Variants in NSUN2 observed in about 807,000 individuals in gnomAD.
The protein encoded by NSUN2 is NOP2/Sun RNA methyltransferase 2.
NSUN2 carries 63 observed loss-of-function variants against 92.7 expected under a neutral mutation model. That is an observed-to-expected ratio of 0.68 (90% CI 0.56 to 0.84). The LOEUF (loss-of-function observed/expected upper bound fraction) is 0.84, where lower values mean the gene tolerates loss of function less well. NSUN2 is among the 40% of genes least tolerant of loss of function. The pLI, the probability that NSUN2 is intolerant of heterozygous loss-of-function variation, is 0.00. For missense variants in NSUN2, 989 were observed against 964.9 expected, an observed-to-expected ratio of 1.02 and a Z score of -0.33; for synonymous variants, 356 against 348.3, an observed-to-expected ratio of 1.02 and a Z score of -0.25.
At chr5:6,621,976 G>T in intron 6 of NSUN2, 40 bp downstream of exon 6, 1 of 1,516,880 alleles carries the variant, frequency 6.6e-7, no homozygotes, top group Non-Finnish European at 9.2e-7. Context: ...ATCTGCCAAA[G>T]TGGCATTCCT....
chr5:6,628,585 G>T, intron 3 of NSUN2, among the ~76,000 whole-genome samples: 1 of 152,192 alleles, frequency 6.6e-6, no homozygotes. Context: ...TGTACCAGAG[G>T]ATTGGGAAGA....
intron 5 of NSUN2, 86 bp from the exon 6 acceptor site, chr5:6,622,186 T>C (rs1225992067): frequency 5.2e-5 from 55 of 1,058,986 alleles, no homozygotes; most frequent in East Asian, 2.0e-4. Context: ...TTTTTCAATT[T>C]CTAGTCCAAG....
chr5:6,632,526 A>G (rs759781940), intron 2 of NSUN2, 73 bp downstream of exon 2: 28 of 1,547,378 alleles, frequency 1.8e-5, no homozygotes, highest in Non-Finnish European at 2.5e-5. Context: ...ACACTTGTCG[A>G]AGAAAACACC....
intron 9 of NSUN2, among the ~76,000 whole-genome samples, chr5:6,614,066 A>C (rs1444665280): frequency 7.4e-6 from 1 of 134,810 alleles, no homozygotes; most frequent in Non-Finnish European, 1.5e-5. Context: ...ACTGCACTCC[A>C]GCCTGGGCAA....
chr5:6,632,679 C>G lies in NSUN2; in HGVS notation c.174G>C (p.Val58=). ...FEHYYQELKI[V]PEGEWGQFMD... ...TGAACTGGCCCCACTCGCCCTCGGG[C>G]ACGATCTTGAGCTCCTGGTAGTAGT... is the stretch of plus-strand genomic sequence containing the variant. Residue 58 remains valine (V), a synonymous_variant, in exon 2 of 19, where the codon GTG becomes GTC. Transcript: ENST00000264670. 1.2e-6 allele frequency: 2 copies of G among 1,614,204 alleles called. No individual in the cohort carries two copies. The highest frequency in any genetic ancestry group is 1.3e-5 in the African/African-American group (1 of 75,060).
At position 6,620,195 on chromosome 5, in the gene NSUN2, A is replaced by C; in HGVS notation, c.726T>G (p.Asp242Glu). 1.2e-6 allele frequency: 2 copies of C among 1,613,484 alleles called. No individual in the cohort carries two copies. Among genetic ancestry groups the C allele is most frequent in the East Asian group, 4.5e-5 (2 of 44,834 alleles). Residue 242 changes from aspartate to glutamate, a missense_variant, in exon 7 of 19, where the codon GAT becomes GAG. Physicochemically the swap from Asp to Glu is conservative, Grantham distance 45 (BLOSUM62 2). Coordinates refer to ENST00000264670, the MANE Select transcript of NSUN2 (RefSeq NM_017755.6). ...TCTGGAGCCTGGGTATGCTGGAGGC[A>C]TCATGGTTGACCACCATGATGCAGG... is the stretch of plus-strand genomic sequence containing the variant. Reference protein sequence around the residue: ...SSPCIMVVNHDASSIPRLQID... With the variant: ...SSPCIMVVNHEASSIPRLQID...
intron 4 of NSUN2, among the ~76,000 whole-genome samples, chr5:6,624,151 G>T (rs1216944409): frequency 6.6e-6 from 1 of 152,196 alleles, no homozygotes; most frequent in Non-Finnish European, 1.5e-5. Flanking sequence ...TGGCCAGCAT[G>T]AGTCTGTGGT....
At chr5:6,624,027 A>G (rs1434249857) in intron 4 of NSUN2, among the ~76,000 whole-genome samples, 1 of 152,224 alleles carries the variant, frequency 6.6e-6, no homozygotes. Context: ...ACTTCTGGAA[A>G]TGAACAGCCA....
At chr5:6,614,162 G>C (rs1427745147) in intron 9 of NSUN2, among the ~76,000 whole-genome samples, 2 of 134,770 alleles carry the variant, frequency 1.5e-5, no homozygotes, top group Non-Finnish European at 3.1e-5. Context: ...AAGCCAACTA[G>C]AGCCACAAAT....
intron 3 of NSUN2, among the ~76,000 whole-genome samples, chr5:6,626,654 T>C (rs1332126757): frequency 1.3e-5 from 2 of 152,236 alleles, no homozygotes; most frequent in South Asian, 2.1e-4. Flanking sequence ...CCACCCAGGA[T>C]GTGCTTTGAA....
chr5:6,613,196 T>C (rs577182209), intron 9 of NSUN2, among the ~76,000 whole-genome samples: 2 of 152,306 alleles, frequency 1.3e-5, no homozygotes, highest in South Asian at 4.1e-4. Context: ...TTTTTGACAC[T>C]TGCTAACAGG....
chr5:6,623,963 T>C (rs745424467), intron 4 of NSUN2, among the ~76,000 whole-genome samples: 1 of 152,138 alleles, frequency 6.6e-6, no homozygotes, highest in Non-Finnish European at 1.5e-5. Flanking sequence ...CACCTCTACT[T>C]TAATCGCCTT....
chr5:6,614,770 G>C (rs1178603812), intron 9 of NSUN2, among the ~76,000 whole-genome samples: 3 of 152,092 alleles, frequency 2.0e-5, no homozygotes, highest in Non-Finnish European at 4.4e-5. Flanking sequence ...ACAATTTTGC[G>C]GTAATGAGAC....
At chr5:6,610,921 C>G (rs751066260) in intron 11 of NSUN2, 34 bp downstream of exon 11, 4 of 1,612,410 alleles carry the variant, frequency 2.5e-6, no homozygotes, top group Admixed American at 1.7e-5. Flanking sequence ...TTAACCTTCC[C>G]CCCTCCCCAC....
chr5:6,629,209 A>G (rs1737770941), intron 3 of NSUN2, among the ~76,000 whole-genome samples: 1 of 152,232 alleles, frequency 6.6e-6, no homozygotes, highest in Non-Finnish European at 1.5e-5. Flanking sequence ...TCATTCTTCA[A>G]CTACAGACAA....
chr5:6,625,809 C>A, intron 3 of NSUN2, 140 bp from the exon 4 acceptor site: 1 of 645,086 alleles, frequency 1.6e-6, no homozygotes, highest in South Asian at 1.8e-5. Context: ...CCTCTACGGA[C>A]AGTCAGCAAC....
intron 6 of NSUN2, 153 bp downstream of exon 6, chr5:6,621,863 G>C (rs1470213642): frequency 6.5e-6 from 4 of 619,048 alleles, no homozygotes; most frequent in Non-Finnish European, 8.7e-6. Context: ...TGGTAGGCAA[G>C]ATGTCCAGTT....
intron 18 of NSUN2, among the ~76,000 whole-genome samples, chr5:6,602,113 T>G (rs1408436511): frequency 6.6e-6 from 1 of 152,222 alleles, no homozygotes; most frequent in Non-Finnish European, 1.5e-5. Context: ...GAACCAGCCA[T>G]GAGGACAAAA....
chr5:6,599,778 A>T lies in NSUN2; in HGVS notation c.*148T>A, dbSNP rs190274354. The T allele has an allele frequency of 2.7e-5, 19 of 691,204 alleles. No homozygotes were observed. The African/African-American group carries it at 2.8e-4, about 10-fold the overall frequency. 42.8% of individuals were successfully genotyped at this position (691,204 alleles called of 1,614,324 possible). On this transcript the variant is annotated 3_prime_UTR_variant, in exon 19 of 19. Transcript: ENST00000264670. The stretch of plus-strand genomic sequence containing the variant: ...AAGAAAGCAGTCCTGGTCATTCAGA[A>T]GGCTCCTATGATCCCACCAGTCTGC...
Sources: allele counts gnomAD v4.1 joint callset (sites outside exome capture counted in the v4.1 genomes callset), GRCh38; gene constraint gnomAD v4.1.1; transcripts MANE v1.5; gene names NCBI Gene and HGNC (gene_info 2026-07-23, HGNC 2026-07-21).